The following SRGAP1 variants were observed in gnomAD, a reference collection of about 807,000 sequenced individuals.
The protein encoded by SRGAP1 is SLIT-ROBO Rho GTPase-activating protein 1.
Under a neutral mutation model 121.9 loss-of-function variants are expected in SRGAP1, and 43 were observed. The observed-to-expected ratio is 0.35, with a 90% CI of 0.28 to 0.46. The LOEUF (loss-of-function observed/expected upper bound fraction) is 0.46. Ranked by LOEUF, SRGAP1 falls within the 20% of genes least tolerant of loss-of-function variation. The pLI is 1.00. For synonymous variants in SRGAP1, 447 were observed against 485.4 expected (o/e 0.92, Z 1.04); for missense variants, 1,102 against 1,350.9 (o/e 0.82, Z 2.89).
At chr12:63,986,463 G>T (rs868041939) in intron 2 of SRGAP1, among the ~76,000 whole-genome samples, 3 of 149,598 alleles carry the variant, frequency 2.0e-5, no homozygotes, top group Non-Finnish European at 4.4e-5. Context: ...TTGCTCTGTC[G>T]CCCAGGCTGG....
rs1054121227 is a variant in SRGAP1, at chr12:64,127,802, G to A, written c.2541-59G>A. On this transcript the variant is annotated intron_variant, in intron 20 of 21. Transcript: ENST00000355086. The stretch of plus-strand genomic sequence containing the variant: ...TGAGGAGCCACTGCACCTCAGCCTT[G>A]CAGTACTGCCCGGTGTGATAAGCTC... The A allele has an allele frequency of 2.5e-6, 4 of 1,600,534 alleles. No homozygotes were observed. The African/African-American group carries it at 5.4e-5, about 21-fold the overall frequency.
chr12:64,003,090 G>GGGAGGGAGGTAA (rs2033957454), intron 3 of SRGAP1, among the ~76,000 whole-genome samples: 1 of 117,954 alleles, frequency 8.5e-6, no homozygotes, highest in Non-Finnish European at 1.7e-5. Context: ...AAGGGAGGGT[G>GGGAGGGAGGTAA]GGAGGGAGGG....
At chr12:64,117,103 G>C (rs947515555) in intron 18 of SRGAP1, among the ~76,000 whole-genome samples, 1 of 152,174 alleles carries the variant, frequency 6.6e-6, no homozygotes, top group African/African-American at 2.4e-5. Context: ...AGGGTGGTGG[G>C]GTGTTGGCTC....
intron 1 of SRGAP1, among the ~76,000 whole-genome samples, chr12:63,884,136 A>G (rs1403744724): frequency 1.3e-5 from 2 of 151,738 alleles, no homozygotes; most frequent in Non-Finnish European, 2.9e-5. Flanking sequence ...TACAAAAATT[A>G]GCTGGGTGTG....
intron 15 of SRGAP1, among the ~76,000 whole-genome samples, chr12:64,101,791 T>C (rs1251671590): frequency 1.3e-5 from 2 of 152,170 alleles, no homozygotes; most frequent in African/African-American, 4.8e-5. Flanking sequence ...TGTTTTTTTT[T>C]CTGACTGCCT....
Position 64,127,963 on chromosome 12 carries a change from A to G in SRGAP1, c.2643A>G (p.Ser881=). The G allele has an allele frequency of 6.2e-7, 1 of 1,614,166 alleles. No individual in the cohort carries two copies. The highest frequency in any genetic ancestry group is 8.5e-7 in the Non-Finnish European group (1 of 1,180,018). ...CTCCACATGCCCTTTCTAACTCCTC[A>G]GTTGACCTAGGGTCCCCAAGCCTTG... ...LHPPHALSNS[S]VDLGSPSLAS... The change falls in exon 21 of 22, where the codon TCA becomes TCG. Residue 881 remains serine, a synonymous_variant. Coordinates refer to ENST00000355086, the MANE Select transcript of SRGAP1 (RefSeq NM_020762.4).
chr12:63,991,745 T>A (rs1043361187), intron 3 of SRGAP1, among the ~76,000 whole-genome samples: 1 of 152,158 alleles, frequency 6.6e-6, no homozygotes, highest in African/African-American at 2.4e-5. Flanking sequence ...GAGGTCACAA[T>A]TTATCCAAAT....
At chr12:64,092,822 T>C (rs1313052174) in intron 12 of SRGAP1, among the ~76,000 whole-genome samples, 2 of 152,208 alleles carry the variant, frequency 1.3e-5, no homozygotes, top group Non-Finnish European at 2.9e-5. Context: ...CGTAGGATTC[T>C]GTTGTATTTG....
chr12:63,957,356 A>C (rs2032503027), intron 1 of SRGAP1, among the ~76,000 whole-genome samples: 1 of 152,168 alleles, frequency 6.6e-6, no homozygotes. Flanking sequence ...TCATCTGCTC[A>C]GGTTTAGGCT....
chr12:64,133,117 G>A (rs2036810804), intron 21 of SRGAP1, among the ~76,000 whole-genome samples: 1 of 152,182 alleles, frequency 6.6e-6, no homozygotes, highest in South Asian at 2.1e-4. Context: ...GTTGAATGAG[G>A]ATGTGGTGGG....
At chr12:63,967,603 G>C (rs1432711219) in intron 1 of SRGAP1, among the ~76,000 whole-genome samples, 1 of 152,166 alleles carries the variant, frequency 6.6e-6, no homozygotes, top group Non-Finnish European at 1.5e-5. Flanking sequence ...CTGGGAGATG[G>C]GACATTCTGG....
chr12:63,904,861 G>T (rs905193507), intron 1 of SRGAP1, among the ~76,000 whole-genome samples: 2 of 152,142 alleles, frequency 1.3e-5, no homozygotes, highest in African/African-American at 4.8e-5. Flanking sequence ...CTTTAGCCAG[G>T]AGTTTGAGGC....
intron 1 of SRGAP1, among the ~76,000 whole-genome samples, chr12:63,947,315 A>C (rs2032081849): frequency 6.6e-6 from 1 of 152,166 alleles, no homozygotes; most frequent in Non-Finnish European, 1.5e-5. Context: ...TGGGTCTTAA[A>C]TTTTAGGCAA....
intron 21 of SRGAP1, among the ~76,000 whole-genome samples, chr12:64,133,386 CCCATTA>C (rs894510668): frequency 1.3e-5 from 2 of 152,058 alleles, no homozygotes; most frequent in African/African-American, 4.8e-5. Context: ...AGTCTGGGGA[CCCATTA>C]GACTCACTGT....
At chr12:64,050,181 T>C (rs2035212504) in intron 6 of SRGAP1, among the ~76,000 whole-genome samples, 1 of 152,200 alleles carries the variant, frequency 6.6e-6, no homozygotes, top group Admixed American at 6.5e-5. Flanking sequence ...TTGATTTCTT[T>C]TTCAGATTAT....
In SRGAP1 at chr12:64,043,524, C is replaced by G. The variant is rs2035064396; in HGVS notation, c.750C>G (p.Thr250=). ...AATATCTCCTAACACTTGAAGCCAC[C>G]AATGCCTCAGTTTTCAAGTACTATA... ...RNEYLLTLEA[T]NASVFKYYIH... Residue 250 remains threonine (T), a synonymous_variant, in exon 6 of 22, where the codon ACC becomes ACG. Coordinates refer to ENST00000355086, the MANE Select transcript of SRGAP1 (RefSeq NM_020762.4). The G allele has an allele frequency of 1.2e-6, 2 of 1,612,158 alleles. No individual in the cohort carries two copies. Among genetic ancestry groups the G allele is most frequent in the South Asian group, 2.2e-5 (2 of 90,920 alleles).
intron 4 of SRGAP1, among the ~76,000 whole-genome samples, chr12:64,039,810 C>T (rs538370545): frequency 6.6e-5 from 10 of 152,146 alleles, no homozygotes; most frequent in South Asian, 2.1e-4. Context: ...TGCCCAGCTG[C>T]GGGGTGACTC....
chr12:64,132,048 G>A (rs1209842547), intron 21 of SRGAP1, among the ~76,000 whole-genome samples: 2 of 152,268 alleles, frequency 1.3e-5, no homozygotes, highest in South Asian at 2.1e-4. Context: ...GGTGGCACAC[G>A]CCTGTAGTCC....
chr12:64,128,456 T>A (rs2036735267), intron 21 of SRGAP1, among the ~76,000 whole-genome samples: 1 of 152,134 alleles, frequency 6.6e-6, no homozygotes, highest in Admixed American at 6.5e-5. Flanking sequence ...ACCAGGACAC[T>A]CAAACCTATC....
Sources: allele counts gnomAD v4.1 joint callset (sites outside exome capture counted in the v4.1 genomes callset), GRCh38; gene constraint gnomAD v4.1.1; transcripts MANE v1.5; gene names NCBI Gene and HGNC (gene_info 2026-07-23, HGNC 2026-07-21).